Variants in SLC25A26 observed in about 807,000 individuals in gnomAD.
SLC25A26 encodes the protein solute carrier family 25 member 26.
A neutral mutation model predicts 37.8 loss-of-function variants in SLC25A26; 36 were observed. The observed-to-expected ratio is 0.95, with a 90% CI of 0.73 to 1.26. The LOEUF (loss-of-function observed/expected upper bound fraction) is 1.26, where lower values mean the gene tolerates loss of function less well. SLC25A26 is among the 50% of genes most tolerant of loss of function. The pLI is 0.00. For missense variants in SLC25A26, 390 were observed against 331.1 expected (o/e 1.18, Z -1.38); for synonymous variants, 129 against 122.5 (o/e 1.05, Z -0.35).
In SLC25A26 at chr3:66,370,527, A is replaced by G; in HGVS notation, c.634-2A>G. 1 of 1,613,596 alleles carries G rather than the reference A, an allele frequency of 6.2e-7. No homozygotes were observed. Among genetic ancestry groups the G allele is most frequent in the South Asian group, 1.1e-5 (1 of 90,982 alleles). On this transcript the variant is annotated splice_acceptor_variant, in intron 8 of 9. Coordinates refer to ENST00000354883, the MANE Select transcript of SLC25A26 (RefSeq NM_001379210.1). LOFTEE classifies it high-confidence loss of function. Reference sequence around the variant, plus strand: ...CGGGTTTCTCTTTGTCTGTTCACACAGGCTGGCTCCAGCACTGCTGATGGG... The same window carrying G: ...CGGGTTTCTCTTTGTCTGTTCACACGGGCTGGCTCCAGCACTGCTGATGGG...
At chr3:66,159,798 A>C (rs1028001399) in intron 1 of SLC25A26, among the ~76,000 whole-genome samples, 3 of 152,096 alleles carry the variant, frequency 2.0e-5, no homozygotes, top group Admixed American at 2.0e-4. Context: ...TTTGAACCCT[A>C]AGGAAAGCCC....
chr3:66,248,912 ATC>A (rs1182533024), intron 3 of SLC25A26, among the ~76,000 whole-genome samples: 1 of 152,142 alleles, frequency 6.6e-6, no homozygotes, highest in Non-Finnish European at 1.5e-5. Context: ...TTTAAACACA[ATC>A]TCTAGATGAT....
intron 1 of SLC25A26, among the ~76,000 whole-genome samples, chr3:66,172,410 G>GAAAAAAAAAAAAAAAAAAAAAAA (rs1199322248): frequency 5.3e-5 from 4 of 75,204 alleles, no homozygotes; most frequent in African/African-American, 9.9e-5. Context: ...TACCTGTAAA[G>GAAAAAAAAAAAAAAAAAAAAAAA]AAAAAAAAAA....
At chr3:66,146,062 G>A (rs1694040709) in intron 1 of SLC25A26, among the ~76,000 whole-genome samples, 1 of 152,064 alleles carries the variant, frequency 6.6e-6, no homozygotes, top group Non-Finnish European at 1.5e-5. Flanking sequence ...ATAATTGGCT[G>A]GGCGCAGTGG....
At chr3:66,186,955 A>G (rs945243212) in intron 1 of SLC25A26, among the ~76,000 whole-genome samples, 2 of 151,828 alleles carry the variant, frequency 1.3e-5, no homozygotes, top group African/African-American at 2.4e-5. Flanking sequence ...TAACCTTATC[A>G]TGATCCTGGC....
chr3:66,251,020 A>T (rs1461015291), intron 3 of SLC25A26, among the ~76,000 whole-genome samples: 1 of 152,150 alleles, frequency 6.6e-6, no homozygotes, highest in Non-Finnish European at 1.5e-5. Flanking sequence ...CAATTTTATT[A>T]TCTTGCATTT....
chr3:66,212,408 G>A (rs960533956), intron 1 of SLC25A26, among the ~76,000 whole-genome samples: 2 of 151,978 alleles, frequency 1.3e-5, no homozygotes, highest in Non-Finnish European at 2.9e-5. Context: ...AAGCCAATGT[G>A]CCAATTCATA....
intron 5 of SLC25A26, among the ~76,000 whole-genome samples, chr3:66,301,124 TA>T (rs1045244196): frequency 6.6e-6 from 1 of 152,178 alleles, no homozygotes; most frequent in African/African-American, 2.4e-5. Flanking sequence ...TCATGAAGAA[TA>T]AAAAATAGTA....
At chr3:66,229,271 G>A (rs2071897733) in intron 1 of SLC25A26, among the ~76,000 whole-genome samples, 1 of 152,132 alleles carries the variant, frequency 6.6e-6, no homozygotes, top group African/African-American at 2.4e-5. Context: ...TGAAGTATAG[G>A]TACTCTTTTC....
chr3:66,324,176 AAGTGTGTGTGTG>A (rs2075773283), intron 5 of SLC25A26: 4 of 112,648 alleles, frequency 3.6e-5, no homozygotes, highest in East Asian at 5.1e-4. Flanking sequence ...GTTTGTTAAA[AAGTGTGTGTGTG>A]TGTGTGTGTG....
chr3:66,359,913 A>T (rs2076659643), intron 6 of SLC25A26, among the ~76,000 whole-genome samples: 1 of 152,204 alleles, frequency 6.6e-6, no homozygotes, highest in African/African-American at 2.4e-5. Context: ...TACCTATTTG[A>T]TAGCTGCACT....
chr3:66,170,038 C>A (rs2070474033), intron 1 of SLC25A26, among the ~76,000 whole-genome samples: 1 of 152,208 alleles, frequency 6.6e-6, no homozygotes, highest in South Asian at 2.1e-4. Flanking sequence ...TAAAATCACA[C>A]ACTTGGGCAA....
intron 1 of SLC25A26, among the ~76,000 whole-genome samples, chr3:66,185,832 C>T (rs1179031841): frequency 6.6e-6 from 1 of 152,068 alleles, no homozygotes; most frequent in Non-Finnish European, 1.5e-5. Context: ...GAAATTAACC[C>T]CTACCCTGTA....
At chr3:66,366,313 A>G (rs1427175161) in intron 7 of SLC25A26, among the ~76,000 whole-genome samples, 2 of 152,232 alleles carry the variant, frequency 1.3e-5, no homozygotes, top group Non-Finnish European at 2.9e-5. Flanking sequence ...GAAAATAACT[A>G]CATTTTAACT....
chr3:66,155,753 A>C (rs2070273873), intron 1 of SLC25A26, among the ~76,000 whole-genome samples: 1 of 152,164 alleles, frequency 6.6e-6, no homozygotes, highest in Non-Finnish European at 1.5e-5. Context: ...CAGCACACTC[A>C]AATCAGCAAG....
At chr3:66,194,106 A>T (rs1278653613) in intron 1 of SLC25A26, among the ~76,000 whole-genome samples, 1 of 152,250 alleles carries the variant, frequency 6.6e-6, no homozygotes, top group Non-Finnish European at 1.5e-5. Flanking sequence ...AATGTGTCTT[A>T]TCTGCCAGTG....
chr3:66,239,226 A>C (rs941072628), intron 2 of SLC25A26, among the ~76,000 whole-genome samples: 4 of 150,056 alleles, frequency 2.7e-5, no homozygotes, highest in African/African-American at 9.8e-5. Context: ...TTAGCTCTTG[A>C]ATTTAAGATC....
intron 1 of SLC25A26, among the ~76,000 whole-genome samples, chr3:66,140,645 A>T (rs2070020039): frequency 6.6e-6 from 1 of 152,176 alleles, no homozygotes; most frequent in Non-Finnish European, 1.5e-5. Flanking sequence ...AGCAGGCAGG[A>T]CTAGCAAATA....
chr3:66,317,214 G>A (rs2075564214), intron 5 of SLC25A26, among the ~76,000 whole-genome samples: 1 of 152,140 alleles, frequency 6.6e-6, no homozygotes. Flanking sequence ...CAGCATTTTT[G>A]CATTGATTCT....
Sources: gnomAD v4.1 joint callset for allele counts (sites outside exome capture counted in the v4.1 genomes callset) on GRCh38, gnomAD v4.1.1 for gene constraint, MANE v1.5 for transcripts, NCBI Gene and HGNC (gene_info 2026-07-23, HGNC 2026-07-21) for gene names.